The following HP1BP3 variants were observed in gnomAD, a reference collection of about 807,000 sequenced individuals.
HP1BP3 encodes heterochromatin protein 1 binding protein 3.
HP1BP3 carries 12 observed loss-of-function variants against 62.5 expected under a neutral mutation model. The ratio of observed to expected loss-of-function variants is 0.19; its 90% CI spans 0.12 to 0.31. HP1BP3 has a LOEUF of 0.31. Among genes scored for constraint, HP1BP3 ranks in the 10% least tolerant of loss-of-function variants. The probability of loss-of-function intolerance (pLI) is 1.00; values close to 1 mark genes in which losing one functional copy is unlikely to be tolerated. For synonymous variants in HP1BP3, 260 were observed against 237.8 expected, an observed-to-expected ratio of 1.09 and a Z score of -0.86; for missense variants, 502 against 651.8, an observed-to-expected ratio of 0.77 and a Z score of 2.50.
At chr1:20,754,232 T>C (rs1165595908) in intron 9 of HP1BP3, among the ~76,000 whole-genome samples, 2 of 152,096 alleles carry the variant, frequency 1.3e-5, no homozygotes, top group Admixed American at 6.6e-5. Context: ...AAACGAAAAT[T>C]AGAAAACACT....
intron 3 of HP1BP3, among the ~76,000 whole-genome samples, chr1:20,779,501 C>T (rs495522): frequency 0.64 from 97,574 of 151,898 alleles, 31,778 homozygotes; most frequent in East Asian, 0.88. Flanking sequence ...CCACACTGCA[C>T]TGATCCCCAT....
At position 20,771,018 on chromosome 1, in the gene HP1BP3, T is replaced by C; in HGVS notation, c.566A>G (p.His189Arg). ...SVVAIRKYII[H>R]KYPSLELERR... The stretch of plus-strand genomic sequence containing the variant: ...CTCCAGCTCCAGAGAAGGATACTTA[T>C]GGATGATGTATTTTCGAATAGCAAC... The change falls in exon 6 of 13, where the codon CAT becomes CGT. Residue 189 changes from histidine (H) to arginine (R), a missense_variant. Physicochemically the swap from His to Arg is conservative, Grantham distance 29. Transcript: ENST00000438032. The C allele has an allele frequency of 1.2e-6, 2 of 1,611,380 alleles. No individual in the cohort carries two copies. Among genetic ancestry groups the C allele is most frequent in the Non-Finnish European group, 1.7e-6 (2 of 1,178,608 alleles).
Position 20,741,573 on chromosome 1 carries a change from T to C in HP1BP3, c.*3224A>G, listed in dbSNP as rs1238268593. 2.6e-5 allele frequency among the ~76,000 whole-genome samples: 4 copies of C among 152,236 alleles called. No individual in the cohort carries two copies. Among genetic ancestry groups the C allele is most frequent in the African/African-American group, 4.8e-5 (2 of 41,474 alleles). ...CTTTAATTAAGTCCATGTGGATGCA[T>C]AGTCAGAATCCATGTGCAATGAATG... On this transcript the variant is annotated 3_prime_UTR_variant, in exon 13 of 13. Transcript: ENST00000438032.
chr1:20,744,965 T>C lies in HP1BP3; in HGVS notation c.1494A>G (p.Ala498=), dbSNP rs998865447. The change falls in exon 13 of 13, where the codon GCA becomes GCG. Residue 498 remains alanine (A), a synonymous_variant. Coordinates refer to ENST00000438032, the MANE Select transcript of HP1BP3 (RefSeq NM_001372052.1). ...TGGCAGGCGTTTTGGCCTTAGGAGG[T>C]GCTTTCTTAGGCAAGGGCCTAGCTT... is the stretch of plus-strand genomic sequence containing the variant. ...RGKARPLPKK[A]PPKAKTPAKK... The C allele has an allele frequency of 1.9e-6, 3 of 1,614,070 alleles. No individual in the cohort carries two copies. Among genetic ancestry groups the C allele is most frequent in the Middle Eastern group, 1.7e-4 (1 of 6,060 alleles).
In HP1BP3 at chr1:20,744,319, A is replaced by T. The variant is rs1243217416; in HGVS notation, c.*478T>A. On this transcript the variant is annotated 3_prime_UTR_variant, in exon 13 of 13. Transcript: ENST00000438032. Reference sequence around the variant, plus strand: ...GGAGTGGCTTTTATAAATAAGATTAATTATTACAGCTATAACTGAAGTCTC... The same window carrying T: ...GGAGTGGCTTTTATAAATAAGATTATTTATTACAGCTATAACTGAAGTCTC... The T allele has an allele frequency of 6.5e-6, 1 of 153,272 alleles. No homozygotes were observed. 9.5% of individuals were successfully genotyped at this position (153,272 alleles called of 1,614,324 possible).
At chr1:20,750,848 C>T (rs1469666071) in intron 9 of HP1BP3, among the ~76,000 whole-genome samples, 5 of 133,780 alleles carry the variant, frequency 3.7e-5, no homozygotes, top group Non-Finnish European at 7.7e-5. Flanking sequence ...GACAGAGTCT[C>T]GCTCTGTTGC....
chr1:20,746,498 C>A (rs1407527939), intron 11 of HP1BP3, among the ~76,000 whole-genome samples: 1 of 152,118 alleles, frequency 6.6e-6, no homozygotes, highest in Non-Finnish European at 1.5e-5. Flanking sequence ...ACACAATAGT[C>A]TTGCTAAAAC....
chr1:20,761,254 C>T (rs1433547281), intron 8 of HP1BP3, among the ~76,000 whole-genome samples: 1 of 152,030 alleles, frequency 6.6e-6, no homozygotes, highest in Non-Finnish European at 1.5e-5. Context: ...ACCATGTTGG[C>T]CAGGCTGGTC....
At chr1:20,784,460 CTTAT>C (rs1477120422) in intron 1 of HP1BP3, among the ~76,000 whole-genome samples, 4 of 147,706 alleles carry the variant, frequency 2.7e-5, no homozygotes, top group Non-Finnish European at 5.9e-5. Flanking sequence ...ACAAATAAAA[CTTAT>C]TTGTGTTTTC....
chr1:20,778,219 A>G (rs1182715449), intron 3 of HP1BP3, among the ~76,000 whole-genome samples: 1 of 152,254 alleles, frequency 6.6e-6, no homozygotes, highest in African/African-American at 2.4e-5. Context: ...AATAAAGTTC[A>G]GTCACTCAAC....
At position 20,742,493 on chromosome 1, in the gene HP1BP3, A is replaced by G. The variant is rs146589644; in HGVS notation, c.*2304T>C. Among the ~76,000 whole-genome samples the G allele has an allele frequency of 3.3e-5, 5 of 152,330 alleles. No individual in the cohort carries two copies. Among genetic ancestry groups the G allele is most frequent in the Admixed American group, 6.5e-5 (1 of 15,290 alleles). On this transcript the variant is annotated 3_prime_UTR_variant, in exon 13 of 13. Coordinates refer to ENST00000438032, the MANE Select transcript of HP1BP3 (RefSeq NM_001372052.1). The stretch of plus-strand genomic sequence containing the variant: ...TGATTCATTAAGTAATTAGCATTCA[A>G]TGTATCTGGAAACATCGTTTACCCT...
rs1200251823 is a variant in HP1BP3 at position 20,742,876 on chromosome 1, AT to A, written c.*1920del. Reference sequence around the variant, plus strand: ...AGCCATACTTTAGGCTACAGAAGGGATCCCAGGAGACAAAAGTGGAATGAAT... The same window carrying A: ...AGCCATACTTTAGGCTACAGAAGGGACCCAGGAGACAAAAGTGGAATGAAT... On this transcript the variant is annotated 3_prime_UTR_variant, in exon 13 of 13. Coordinates refer to ENST00000438032, the MANE Select transcript of HP1BP3 (RefSeq NM_001372052.1). 1 of 152,652 alleles carries A rather than the reference AT, an allele frequency of 6.6e-6. No individual in the cohort carries two copies. The highest frequency in any genetic ancestry group is 1.5e-5 in the Non-Finnish European group (1 of 68,048). The allele number at this position is 152,652 out of a possible 1,614,324, so 9.5% of individuals were successfully genotyped here. A position where few individuals can be genotyped will look rare whatever the true frequency, so the allele number is the denominator to read the frequency against.
At chr1:20,770,728 T>C (rs1423935960) in intron 6 of HP1BP3, among the ~76,000 whole-genome samples, 2 of 152,112 alleles carry the variant, frequency 1.3e-5, no homozygotes, top group Admixed American at 6.6e-5. Flanking sequence ...CAAAGTAAGC[T>C]AGAAAAAAGT....
chr1:20,777,449 TTTTA>T (rs888524055), intron 3 of HP1BP3, among the ~76,000 whole-genome samples: 66 of 151,948 alleles, frequency 4.3e-4, no homozygotes, highest in African/African-American at 1.2e-3. Flanking sequence ...ATAAAGAGAA[TTTTA>T]TTTATTTATT....
chr1:20,742,088 C>T lies in HP1BP3; in HGVS notation c.*2709G>A, dbSNP rs987271793. Among the ~76,000 whole-genome samples the T allele has an allele frequency of 6.6e-6, 1 of 152,162 alleles. No individual in the cohort carries two copies. The highest frequency in any genetic ancestry group is 1.5e-5 in the Non-Finnish European group (1 of 68,030). ...TGGAAGAAACTTTAAATGATCTAAA[C>T]TTCTCAGCCTGTGCTTAAGTGCCTG... On this transcript the variant is annotated 3_prime_UTR_variant, in exon 13 of 13. Coordinates refer to ENST00000438032, the MANE Select transcript of HP1BP3 (RefSeq NM_001372052.1).
intron 9 of HP1BP3, among the ~76,000 whole-genome samples, chr1:20,754,608 G>C (rs939469714): frequency 1.3e-5 from 2 of 152,144 alleles, no homozygotes; most frequent in Non-Finnish European, 2.9e-5. Flanking sequence ...CAGTAAGACA[G>C]TGCAGTATTA....
chr1:20,759,019 C>T (rs2056302970), intron 8 of HP1BP3, among the ~76,000 whole-genome samples: 1 of 152,064 alleles, frequency 6.6e-6, no homozygotes, highest in African/African-American at 2.4e-5. Context: ...GGAAAAACAA[C>T]TGTAAAATAT....
chr1:20,786,408 GAGCAGCGGAGACAA>G (rs2057833161), intron 1 of HP1BP3: 1 of 152,134 alleles, frequency 6.6e-6, no homozygotes, highest in South Asian at 2.1e-4. Flanking sequence ...AGGACGGCAA[GAGCAGCGGAGACAA>G]AGCAGCGAGG....
rs373931337 is a variant in HP1BP3 at position 20,776,653 on chromosome 1, C to T, written c.294G>A (p.Gly98=). Residue 98 remains glycine, a synonymous_variant, in exon 4 of 13, where the codon GGG becomes GGA. Transcript: ENST00000438032. ...CTTCCTTCTCTTCATTCTCAGGTTC[C>T]CCCTTTGGCTGCTCTGCCTCACTCG... The part of the protein sequence containing the change: ...ATSSEAEQPK[G]EPENEEKEEN... 13 of 1,613,856 alleles carry T rather than the reference C, an allele frequency of 8.1e-6. No individual in the cohort carries two copies. Among genetic ancestry groups the T allele is most frequent in the Non-Finnish European group, 1.1e-5 (13 of 1,179,876 alleles).
Sources: gnomAD v4.1 joint callset for allele counts (sites outside exome capture counted in the v4.1 genomes callset) on GRCh38, gnomAD v4.1.1 for gene constraint, MANE v1.5 for transcripts, NCBI Gene and HGNC (gene_info 2026-07-23, HGNC 2026-07-21) for gene names.